REEP3: variants seen among roughly 807,000 people sequenced by gnomAD.
REEP3 encodes receptor accessory protein 3.
In REEP3, 20 loss-of-function variants were observed where a neutral mutation model predicts 41.3. The observed-to-expected ratio is 0.48, with a 90% CI of 0.34 to 0.70. The LOEUF (loss-of-function observed/expected upper bound fraction) is 0.70. REEP3 is among the 30% of genes least tolerant of loss of function. The probability of loss-of-function intolerance (pLI) is 0.01; values close to 1 mark genes in which losing one functional copy is unlikely to be tolerated. For missense variants in REEP3, 271 were observed against 308.8 expected (o/e 0.88, Z 0.92); for synonymous variants, 104 against 101.8 (o/e 1.02, Z -0.13).
chr10:63,541,531 A>G (rs1955527935), intron 1 of REEP3, among the ~76,000 whole-genome samples: 1 of 152,212 alleles, frequency 6.6e-6, no homozygotes, highest in Non-Finnish European at 1.5e-5. Context: ...TTAAACCCAA[A>G]TAAGCAGTGT....
chr10:63,545,577 G>T (rs1251074912), intron 1 of REEP3, among the ~76,000 whole-genome samples: 1 of 151,370 alleles, frequency 6.6e-6, no homozygotes. Flanking sequence ...GTTTCACCAC[G>T]TTGGCCAGGA....
At position 63,593,230 on chromosome 10, in the gene REEP3, T is replaced by TA. The variant is rs1956082110; in HGVS notation, c.106-1544dup. On this transcript the variant is annotated intron_variant, in intron 2 of 7. Coordinates refer to ENST00000373758, the MANE Select transcript of REEP3 (RefSeq NM_001001330.3). Reference sequence around the variant, plus strand: ...GAAATACCCAAACAAGCATCTGTATTAAAACTAATAGGTCAATTTCCCAGT... The same window carrying TA: ...GAAATACCCAAACAAGCATCTGTATTAAAAACTAATAGGTCAATTTCCCAGT... Among the ~76,000 whole-genome samples the TA allele has an allele frequency of 2.6e-5, 4 of 152,238 alleles. No individual in the cohort carries two copies. The South Asian group carries it at 8.3e-4, about 31-fold the overall frequency.
chr10:63,570,748 A>C (rs547686184), intron 2 of REEP3, among the ~76,000 whole-genome samples: 1 of 152,330 alleles, frequency 6.6e-6, no homozygotes, highest in African/African-American at 2.4e-5. Flanking sequence ...AAATAAGGAC[A>C]AGGCATCTGC....
intron 2 of REEP3, among the ~76,000 whole-genome samples, chr10:63,572,747 A>G (rs1955864413): frequency 6.6e-6 from 1 of 152,210 alleles, no homozygotes; most frequent in Non-Finnish European, 1.5e-5. Context: ...CACCAGAATA[A>G]GCTCCATGGG....
At chr10:63,592,305 C>T (rs1398680477) in intron 2 of REEP3, among the ~76,000 whole-genome samples, 1 of 152,172 alleles carries the variant, frequency 6.6e-6, no homozygotes, top group Non-Finnish European at 1.5e-5. Context: ...GAGAGGAGTT[C>T]ACCATATTAC....
intron 1 of REEP3, among the ~76,000 whole-genome samples, chr10:63,553,636 G>A (rs955370402): frequency 6.6e-6 from 1 of 152,014 alleles, no homozygotes; most frequent in South Asian, 2.1e-4. Context: ...TTCACTTTGT[G>A]GTCATGTGAT....
chr10:63,548,165 G>A (rs1955595887), intron 1 of REEP3, among the ~76,000 whole-genome samples: 1 of 152,166 alleles, frequency 6.6e-6, no homozygotes, highest in African/African-American at 2.4e-5. Context: ...ATGCTCCAAT[G>A]AGCAATCAGC....
rs117719432 is a variant in REEP3, at chr10:63,562,202, G to C, written c.33-4136G>C. Among the ~76,000 whole-genome samples, 890 of 152,048 alleles carry C rather than the reference G, an allele frequency of 5.9e-3. 6 individuals carry two copies. The highest frequency in any genetic ancestry group is 1.0e-2 in the Non-Finnish European group (677 of 68,004). ...AAAATCCTGTATCCAGAGCCTGGGG[G>C]TTGGCAGTTCAGTGAAGTCGCTTTC... On this transcript the variant is annotated intron_variant, in intron 1 of 7. Transcript: ENST00000373758.
chr10:63,578,656 A>C (rs1233161691), intron 2 of REEP3, among the ~76,000 whole-genome samples: 1 of 152,100 alleles, frequency 6.6e-6, no homozygotes, highest in Non-Finnish European at 1.5e-5. Flanking sequence ...ACACGCCTGT[A>C]GTCCCAGCCA....
At chr10:63,596,850 T>C (rs1377596128) in intron 3 of REEP3, among the ~76,000 whole-genome samples, 1 of 152,104 alleles carries the variant, frequency 6.6e-6, no homozygotes, top group Admixed American at 6.5e-5. Flanking sequence ...TGATGATAGC[T>C]CACCGCACCC....
chr10:63,526,900 T>G (rs1955369969), intron 1 of REEP3, among the ~76,000 whole-genome samples: 1 of 152,150 alleles, frequency 6.6e-6, no homozygotes, highest in Non-Finnish European at 1.5e-5. Flanking sequence ...TTCGCCTTCT[T>G]TGTTTTTTAT....
At chr10:63,597,412 T>C (rs1336105826) in intron 3 of REEP3, among the ~76,000 whole-genome samples, 1 of 152,218 alleles carries the variant, frequency 6.6e-6, no homozygotes, top group African/African-American at 2.4e-5. Context: ...AGGGTGGCCA[T>C]ACCTTGTGCA....
At chr10:63,597,356 A>G (rs923567364) in intron 3 of REEP3, among the ~76,000 whole-genome samples, 2 of 152,244 alleles carry the variant, frequency 1.3e-5, no homozygotes, top group African/African-American at 4.8e-5. Context: ...CACAACTATC[A>G]TATGAGATAG....
chr10:63,533,102 G>A (rs1469475097), intron 1 of REEP3, among the ~76,000 whole-genome samples: 4 of 152,208 alleles, frequency 2.6e-5, no homozygotes, highest in Non-Finnish European at 5.9e-5. Context: ...CCAACATCAT[G>A]AGTGCAGTGT....
In REEP3 at chr10:63,603,519, A is replaced by G. The variant is rs534758200; in HGVS notation, c.417+4236A>G. ...ATCACGTGTTTTAATTTATACGTTA[A>G]CACCTTAAAATCACGTGTCCACCCC... On this transcript the variant is annotated intron_variant, in intron 5 of 7. Transcript: ENST00000373758. Among the ~76,000 whole-genome samples, 10 of 152,288 alleles carry G rather than the reference A, an allele frequency of 6.6e-5. No individual in the cohort carries two copies. In the East Asian group the frequency reaches 9.6e-4, roughly 15 times the overall value.
In REEP3 at chr10:63,624,058, T is replaced by C. The variant is rs763569151; in HGVS notation, c.*3189T>C. On this transcript the variant is annotated 3_prime_UTR_variant, in exon 8 of 8. Coordinates refer to ENST00000373758, the MANE Select transcript of REEP3 (RefSeq NM_001001330.3). ...TTTTATGTTGTTAAGAAATATATAA[T>C]GATATCTTACATTAAGCATGAGTCT... 2 of 152,098 alleles carry C rather than the reference T, an allele frequency of 1.3e-5. No homozygotes were observed. The highest frequency in any genetic ancestry group is 2.9e-5 in the Non-Finnish European group (2 of 67,994). The allele number at this position is 152,098 out of a possible 1,614,324, so 9.4% of individuals were successfully genotyped here. A position where few individuals can be genotyped will look rare whatever the true frequency, so the allele number is the denominator to read the frequency against.
intron 6 of REEP3, among the ~76,000 whole-genome samples, chr10:63,618,964 C>T (rs746302267): frequency 6.6e-5 from 10 of 152,228 alleles, no homozygotes; most frequent in South Asian, 2.1e-4. Context: ...AGCATACTCG[C>T]GTGATCTCTC....
chr10:63,532,093 A>G (rs1182266939), intron 1 of REEP3, among the ~76,000 whole-genome samples: 1 of 152,212 alleles, frequency 6.6e-6, no homozygotes, highest in Non-Finnish European at 1.5e-5. Flanking sequence ...TACAAGTTAT[A>G]GTTTTTCCTG....
rs573288634 is a variant in REEP3 at position 63,622,541 on chromosome 10, T to C, written c.*1672T>C. 54 of 152,206 alleles carry C rather than the reference T, an allele frequency of 3.5e-4. No individual in the cohort carries two copies. Among genetic ancestry groups the C allele is most frequent in the Non-Finnish European group, 6.8e-4 (46 of 68,010 alleles). The allele number at this position is 152,206 out of a possible 1,614,324, so 9.4% of individuals were successfully genotyped here. ...ATTTCTATGAATTCTAATTGTAAAT[T>C]ATCGGAACAGAGTTTTATTTATATG... On this transcript the variant is annotated 3_prime_UTR_variant, in exon 8 of 8. Transcript: ENST00000373758.
Sources: allele counts gnomAD v4.1 joint callset (sites outside exome capture counted in the v4.1 genomes callset), GRCh38; gene constraint gnomAD v4.1.1; transcripts MANE v1.5; gene names NCBI Gene and HGNC (gene_info 2026-07-23, HGNC 2026-07-21).